The following MSH3 variants were observed in gnomAD, a reference collection of about 807,000 sequenced individuals.
The protein encoded by MSH3 is DNA mismatch repair protein Msh3.
MSH3 carries 106 observed loss-of-function variants against 123.3 expected under a neutral mutation model. The ratio of observed to expected loss-of-function variants is 0.86; its 90% CI spans 0.73 to 1.01. The LOEUF is 1.01. Ranked by LOEUF, MSH3 falls within the 50% of genes least tolerant of loss-of-function variation. The pLI, the probability that MSH3 is intolerant of heterozygous loss-of-function variation, is 0.00. For synonymous variants in MSH3, 515 were observed against 481.4 expected (o/e 1.07, Z -0.91); for missense variants, 1,459 against 1,347.6 (o/e 1.08, Z -1.29).
intron 10 of MSH3, among the ~76,000 whole-genome samples, chr5:80,740,870 A>G (rs1022693021): frequency 5.3e-5 from 8 of 151,666 alleles, no homozygotes; most frequent in African/African-American, 1.9e-4. Context: ...TCGTGCCACC[A>G]TGCCTGGCTA....
chr5:80,728,243 G>A (rs1048129189), intron 9 of MSH3, among the ~76,000 whole-genome samples: 5 of 152,182 alleles, frequency 3.3e-5, no homozygotes, highest in African/African-American at 1.2e-4. Flanking sequence ...ATACCCTGTA[G>A]GGTGCAAGGA....
intron 17 of MSH3, among the ~76,000 whole-genome samples, chr5:80,782,618 G>A (rs1358661116): frequency 6.6e-6 from 1 of 152,096 alleles, no homozygotes; most frequent in Non-Finnish European, 1.5e-5. Flanking sequence ...TTCCTATAAT[G>A]TACATATATT....
intron 12 of MSH3, among the ~76,000 whole-genome samples, chr5:80,751,200 A>G (rs1415487457): frequency 1.3e-5 from 2 of 152,212 alleles, no homozygotes; most frequent in African/African-American, 2.4e-5. Context: ...AGGCATTAAC[A>G]GGGATAAGAT....
chr5:80,675,898 T>A (rs774404177), intron 7 of MSH3, among the ~76,000 whole-genome samples: 3 of 152,240 alleles, frequency 2.0e-5, no homozygotes, highest in Non-Finnish European at 2.9e-5. Context: ...GACTATGGTA[T>A]TATATCTAGA....
intron 13 of MSH3, among the ~76,000 whole-genome samples, chr5:80,766,448 C>T (rs1744125758): frequency 1.3e-5 from 2 of 148,954 alleles, no homozygotes; most frequent in Admixed American, 6.8e-5. Flanking sequence ...CAGGCTCAAG[C>T]GATTCTCCTG....
rs188705959 is a variant in MSH3 at position 80,746,736 on chromosome 5, A to G, written c.1763+2121A>G. 3.1e-4 allele frequency: 123 copies of G among 395,998 alleles called. No individual in the cohort carries two copies. The East Asian group carries it at 7.4e-3, about 24-fold the overall frequency. 24.5% of individuals were successfully genotyped at this position (395,998 alleles called of 1,614,324 possible). A position where few individuals can be genotyped will look rare whatever the true frequency, so the allele number is the denominator to read the frequency against. On this transcript the variant is annotated intron_variant, in intron 12 of 23. Transcript: ENST00000265081. The stretch of plus-strand genomic sequence containing the variant: ...ATCATCCATTCTCATATCTTCCAAC[A>G]TGGTCTTGATAGTCACAGATTGTTT...
intron 8 of MSH3, among the ~76,000 whole-genome samples, chr5:80,711,654 T>G (rs1750861636): frequency 6.6e-6 from 1 of 152,036 alleles, no homozygotes; most frequent in African/African-American, 2.4e-5. Context: ...CTTTTTTTCT[T>G]CTTTTTTTTC....
intron 20 of MSH3, among the ~76,000 whole-genome samples, chr5:80,838,762 C>G (rs1333111511): frequency 6.6e-6 from 1 of 152,084 alleles, no homozygotes; most frequent in South Asian, 2.1e-4. Flanking sequence ...TGCCTAAGAT[C>G]TCACAGTACT....
At chr5:80,811,227 A>G (rs1380725178) in intron 19 of MSH3, among the ~76,000 whole-genome samples, 1 of 152,042 alleles carries the variant, frequency 6.6e-6, no homozygotes, top group East Asian at 1.9e-4. Flanking sequence ...AATGAGTTTT[A>G]TTATTTACTT....
intron 12 of MSH3, among the ~76,000 whole-genome samples, chr5:80,752,503 A>G (rs1231826680): frequency 1.3e-5 from 2 of 152,164 alleles, no homozygotes; most frequent in African/African-American, 2.4e-5. Flanking sequence ...TTTTGAAAGC[A>G]TAGTTTTGGA....
intron 19 of MSH3, among the ~76,000 whole-genome samples, chr5:80,800,517 C>T (rs1004874496): frequency 1.3e-5 from 2 of 152,160 alleles, no homozygotes; most frequent in Admixed American, 6.5e-5. Flanking sequence ...CAAATACGCA[C>T]GATCTTTCTA....
At chr5:80,686,113 A>G (rs1274997068) in intron 8 of MSH3, among the ~76,000 whole-genome samples, 7 of 152,180 alleles carry the variant, frequency 4.6e-5, no homozygotes, top group African/African-American at 1.7e-4. Context: ...TGCTATAATG[A>G]TCAGATCCTC....
chr5:80,819,368 GTATATATA>G (rs1256695996), intron 20 of MSH3, among the ~76,000 whole-genome samples: 3 of 69,162 alleles, frequency 4.3e-5, no homozygotes, highest in Non-Finnish European at 9.3e-5. Flanking sequence ...ATATATGTGT[GTATATATA>G]TGTGTATATA....
intron 8 of MSH3, among the ~76,000 whole-genome samples, chr5:80,725,028 C>A (rs1743249812): frequency 6.6e-6 from 1 of 151,934 alleles, no homozygotes; most frequent in Non-Finnish European, 1.5e-5. Flanking sequence ...TCCTGGCTAA[C>A]ACGGTGAAAC....
intron 17 of MSH3, among the ~76,000 whole-genome samples, chr5:80,780,882 C>A (rs1744398819): frequency 7.0e-6 from 1 of 143,162 alleles, no homozygotes; most frequent in Non-Finnish European, 1.6e-5. Context: ...ATAAATAAAA[C>A]CTTAAACAGT....
At chr5:80,846,291 G>A (rs766302848) in intron 20 of MSH3, among the ~76,000 whole-genome samples, 1 of 151,842 alleles carries the variant, frequency 6.6e-6, no homozygotes, top group Non-Finnish European at 1.5e-5. Context: ...TCCCAGAGGG[G>A]CACCCGCCTG....
intron 8 of MSH3, among the ~76,000 whole-genome samples, chr5:80,683,493 A>G (rs1469142552): frequency 2.0e-5 from 3 of 152,084 alleles, no homozygotes; most frequent in Non-Finnish European, 2.9e-5. Flanking sequence ...CCAGGCTGCC[A>G]TTGTATGTCT....
Position 80,858,382 on chromosome 5 carries a change from G to A in MSH3, c.3000+4066G>A, listed in dbSNP as rs537454727. Among the ~76,000 whole-genome samples the A allele has an allele frequency of 2.2e-4, 33 of 152,066 alleles. 1 individual carries two copies. Among genetic ancestry groups the A allele is most frequent in the Admixed American group, 1.9e-3 (29 of 15,274 alleles). On this transcript the variant is annotated intron_variant, in intron 21 of 23. Coordinates refer to ENST00000265081, the MANE Select transcript of MSH3 (RefSeq NM_002439.5). ...TTCTTCTATGCACTGCTTTTGGTGC[G>A]GTTCCACAAATTTTGATAAGGTGTG...
chr5:80,872,185 A>G (rs1035143531), intron 22 of MSH3, among the ~76,000 whole-genome samples: 5 of 152,156 alleles, frequency 3.3e-5, no homozygotes, highest in Admixed American at 3.3e-4. Context: ...GGGAGAAATT[A>G]TAGGCCTGGT....
Sources: allele counts gnomAD v4.1 joint callset (sites outside exome capture counted in the v4.1 genomes callset), GRCh38; gene constraint gnomAD v4.1.1; transcripts MANE v1.5; gene names NCBI Gene and HGNC (gene_info 2026-07-23, HGNC 2026-07-21).